Variants in RGS17 observed in about 807,000 individuals in gnomAD.
The protein encoded by RGS17 is regulator of G protein signaling 17.
Under a neutral mutation model 25.5 loss-of-function variants are expected in RGS17, and 12 were observed. The ratio of observed to expected loss-of-function variants is 0.47; its 90% CI spans 0.30 to 0.76. The LOEUF is 0.76. Among genes scored for constraint, RGS17 ranks in the 30% least tolerant of loss-of-function variants. The pLI is 0.07. For synonymous variants in RGS17, 71 were observed against 76.9 expected (o/e 0.92, Z 0.40); for missense variants, 196 against 242.2 (o/e 0.81, Z 1.27).
intron 1 of RGS17, among the ~76,000 whole-genome samples, chr6:153,084,464 G>A (rs1777025709): frequency 6.6e-6 from 1 of 152,198 alleles, no homozygotes; most frequent in Non-Finnish European, 1.5e-5. Flanking sequence ...ACATAGGATG[G>A]TGGACTGATT....
intron 4 of RGS17, among the ~76,000 whole-genome samples, chr6:153,015,728 A>G (rs949480063): frequency 2.7e-5 from 4 of 150,088 alleles, no homozygotes; most frequent in African/African-American, 7.4e-5. Flanking sequence ...ATCTCGGCTC[A>G]CTGCAAGCTC....
intron 1 of RGS17, among the ~76,000 whole-genome samples, chr6:153,089,116 G>T (rs1777090712): frequency 6.6e-6 from 1 of 151,546 alleles, no homozygotes; most frequent in African/African-American, 2.4e-5. Context: ...GTGTCTTTTA[G>T]GGACGCTTCA....
intron 4 of RGS17, among the ~76,000 whole-genome samples, chr6:153,014,960 T>A (rs1170052454): frequency 6.6e-6 from 1 of 152,200 alleles, no homozygotes; most frequent in Non-Finnish European, 1.5e-5. Context: ...ATATCAACAT[T>A]AACAGGAATT....
At chr6:153,115,154 G>A (rs1168231385) in intron 1 of RGS17, among the ~76,000 whole-genome samples, 1 of 152,186 alleles carries the variant, frequency 6.6e-6, no homozygotes, top group Non-Finnish European at 1.5e-5. Flanking sequence ...TCTGTTTGCA[G>A]ATAACGTGAT....
intron 1 of RGS17, among the ~76,000 whole-genome samples, chr6:153,061,580 T>C (rs1776638008): frequency 6.6e-6 from 1 of 152,204 alleles, no homozygotes. Flanking sequence ...TTTCCCCTAA[T>C]AGTTATTATT....
rs1201793852 is a variant in RGS17, at chr6:153,005,063, G to C, written c.*6511C>G. On this transcript the variant is annotated 3_prime_UTR_variant, in exon 5 of 5. Coordinates refer to ENST00000206262, the MANE Select transcript of RGS17 (RefSeq NM_012419.5). ...ACAAGAAAGGTGTTTATGACAAATC[G>C]GTTAAAGCTAGCGGGAAATAGGTCT... The C allele has an allele frequency of 1.3e-5, 2 of 152,072 alleles. No individual in the cohort carries two copies. The highest frequency in any genetic ancestry group is 3.8e-4 in the East Asian group (2 of 5,196). The allele number at this position is 152,072 out of a possible 1,614,324, so 9.4% of individuals were successfully genotyped here. A position where few individuals can be genotyped will look rare whatever the true frequency, so the allele number is the denominator to read the frequency against.
intron 2 of RGS17, among the ~76,000 whole-genome samples, chr6:153,030,036 A>C (rs895046135): frequency 6.6e-6 from 1 of 152,240 alleles, no homozygotes; most frequent in African/African-American, 2.4e-5. Flanking sequence ...TCAAACCTTA[A>C]ATACTTTATG....
chr6:153,128,677 G>C (rs1053137712), intron 1 of RGS17, among the ~76,000 whole-genome samples: 3 of 152,098 alleles, frequency 2.0e-5, no homozygotes, highest in African/African-American at 7.2e-5. Flanking sequence ...CGTGGCCCTC[G>C]TGGTAGGAAA....
At position 153,130,976 on chromosome 6, in the gene RGS17, C is replaced by G. The variant is rs1198347171; in HGVS notation, c.-26+148G>C. 1 of 144,058 alleles carries G rather than the reference C, an allele frequency of 6.9e-6. No individual in the cohort carries two copies. The highest frequency in any genetic ancestry group is 2.6e-5 in the African/African-American group (1 of 39,188). 8.9% of individuals were successfully genotyped at this position (144,058 alleles called of 1,614,324 possible). On this transcript the variant is annotated intron_variant, in intron 1 of 4. Transcript: ENST00000206262. This position sits in a 1 kb window ranked among gnomAD's most constrained non-coding sequence, Gnocchi z 6.4. ...AGCTGAGACCCCAGCGCCGCGCAGCCGCCCCCGCCGGGGCATGGGCGGTCG... is the reference window on the plus strand; with the variant it reads ...AGCTGAGACCCCAGCGCCGCGCAGCGGCCCCCGCCGGGGCATGGGCGGTCG...
intron 1 of RGS17, among the ~76,000 whole-genome samples, chr6:153,087,813 G>A (rs1777072474): frequency 6.6e-6 from 1 of 152,122 alleles, no homozygotes; most frequent in Admixed American, 6.5e-5. Flanking sequence ...ATTTCCAGGT[G>A]ATTATGTAAA....
At chr6:153,035,035 T>A (rs1294984848) in intron 2 of RGS17, among the ~76,000 whole-genome samples, 2 of 151,910 alleles carry the variant, frequency 1.3e-5, no homozygotes, top group East Asian at 3.9e-4. Flanking sequence ...ATGCCTGCAG[T>A]CCCAGCTACT....
Position 153,128,792 on chromosome 6 carries a change from T to A in RGS17, c.-26+2332A>T, listed in dbSNP as rs539673160. Among the ~76,000 whole-genome samples, 13 of 152,230 alleles carry A rather than the reference T, an allele frequency of 8.5e-5. No individual in the cohort carries two copies. In the South Asian group the frequency reaches 2.7e-3, roughly 32 times the overall value. On this transcript the variant is annotated intron_variant, in intron 1 of 4. Transcript: ENST00000206262. ...CTTAAACATGATGAATTCAAATAAA[T>A]AAGTACCTCAGAGGAAGAGCCCTAC... is the stretch of plus-strand genomic sequence containing the variant.
chr6:153,032,638 A>T (rs1776168841), intron 2 of RGS17, among the ~76,000 whole-genome samples: 2 of 152,234 alleles, frequency 1.3e-5, no homozygotes, highest in African/African-American at 4.8e-5. Flanking sequence ...TTTCTAAGGA[A>T]TCTAAAAGGA....
intron 1 of RGS17, among the ~76,000 whole-genome samples, chr6:153,046,618 A>G (rs1215806402): frequency 1.3e-5 from 2 of 152,164 alleles, no homozygotes; most frequent in Non-Finnish European, 2.9e-5. Context: ...AGATTTACAC[A>G]TAATCATTTC....
chr6:153,016,415 T>C (rs998093459), intron 4 of RGS17, among the ~76,000 whole-genome samples: 5 of 152,184 alleles, frequency 3.3e-5, no homozygotes, highest in African/African-American at 4.8e-5. Flanking sequence ...TTTGTTTCAA[T>C]AGAGCAGGAA....
chr6:153,029,617 G>A (rs1290970845), intron 2 of RGS17, among the ~76,000 whole-genome samples: 1 of 150,400 alleles, frequency 6.6e-6, no homozygotes, highest in Non-Finnish European at 1.5e-5. Flanking sequence ...TTAAGACGGA[G>A]TGTTGCTCTG....
intron 1 of RGS17, among the ~76,000 whole-genome samples, chr6:153,076,980 G>GA (rs199847483): frequency 1.3e-5 from 2 of 151,818 alleles, no homozygotes; most frequent in East Asian, 3.9e-4. Flanking sequence ...AGTTATAAGG[G>GA]AAAAAAATGT....
chr6:153,038,776 A>G (rs1247259373), intron 2 of RGS17, among the ~76,000 whole-genome samples: 2 of 152,236 alleles, frequency 1.3e-5, no homozygotes, highest in South Asian at 2.1e-4. Flanking sequence ...TTTGGCAGAG[A>G]GCGAAAGTGT....
At chr6:153,114,799 C>T (rs887424914) in intron 1 of RGS17, among the ~76,000 whole-genome samples, 1 of 152,154 alleles carries the variant, frequency 6.6e-6, no homozygotes, top group African/African-American at 2.4e-5. Flanking sequence ...ATATGCAATC[C>T]ATCACATAAA....
Sources: gnomAD v4.1 joint callset for allele counts (sites outside exome capture counted in the v4.1 genomes callset) on GRCh38, gnomAD v4.1.1 for gene constraint, Gnocchi (gnomAD v3.1) non-coding constraint, MANE v1.5 for transcripts, NCBI Gene and HGNC (gene_info 2026-07-23, HGNC 2026-07-21) for gene names.